CNKSR3: variants seen among roughly 807,000 people sequenced by gnomAD.
CNKSR3 encodes the protein CNKSR family member 3.
A neutral mutation model predicts 67.7 loss-of-function variants in CNKSR3; 36 were observed. The ratio of observed to expected loss-of-function variants is 0.53; its 90% CI spans 0.41 to 0.70. The LOEUF is 0.70. Ranked by LOEUF, CNKSR3 falls within the 30% of genes least tolerant of loss-of-function variation. The probability of loss-of-function intolerance (pLI) is 0.00; values close to 1 mark genes in which losing one functional copy is unlikely to be tolerated. For synonymous variants in CNKSR3, 281 were observed against 271.4 expected, an observed-to-expected ratio of 1.04 and a Z score of -0.35; for missense variants, 630 against 695.2, an observed-to-expected ratio of 0.91 and a Z score of 1.05.
chr6:154,409,101 G>A (rs1318770691), intron 12 of CNKSR3, among the ~76,000 whole-genome samples: 1 of 152,140 alleles, frequency 6.6e-6, no homozygotes, highest in Non-Finnish European at 1.5e-5. Context: ...AGGTACCCAG[G>A]CATCTTTCCC....
At chr6:154,499,658 C>T (rs1786943984) in intron 1 of CNKSR3, among the ~76,000 whole-genome samples, 2 of 152,104 alleles carry the variant, frequency 1.3e-5, no homozygotes, top group Admixed American at 1.3e-4. Context: ...TTGGTAGACA[C>T]AGGGTCTCAC....
chr6:154,448,413 G>A (rs1203870859), intron 2 of CNKSR3, among the ~76,000 whole-genome samples: 1 of 120,124 alleles, frequency 8.3e-6, no homozygotes, highest in African/African-American at 3.2e-5. Context: ...TATAATAAAA[G>A]TAAACTCAAA....
intron 5 of CNKSR3, among the ~76,000 whole-genome samples, chr6:154,432,602 C>T (rs1027123734): frequency 1.3e-5 from 2 of 152,160 alleles, no homozygotes; most frequent in African/African-American, 4.8e-5. Flanking sequence ...AACACAGTCA[C>T]CCAAATTTTC....
At chr6:154,450,308 C>A (rs1377023934) in intron 1 of CNKSR3, 50 bp from the exon 2 acceptor site, 88 of 1,582,886 alleles carry the variant, frequency 5.6e-5, no homozygotes, top group Non-Finnish European at 7.4e-5. Context: ...TTCCTTTACC[C>A]ACCCCCTGCA....
At position 154,430,529 on chromosome 6, in the gene CNKSR3, G is replaced by C. The variant is rs751665833; in HGVS notation, c.612C>G (p.Ser204Arg). ...TIRSTTDPVMSQCACLEEVHL... is the reference protein window; with the variant it reads ...TIRSTTDPVMRQCACLEEVHL... ...GAACTTCCTCCAGACATGCACACTGGCTCATCACAGGATCTGTGGTAGATC... is the reference window on the plus strand; with the variant it reads ...GAACTTCCTCCAGACATGCACACTGCCTCATCACAGGATCTGTGGTAGATC... The change falls in exon 6 of 13, where the codon AGC (serine) becomes AGG (arginine). Residue 204 changes from serine to arginine, a missense_variant. Ser to Arg is a moderately radical substitution (Grantham distance 110). Transcript: ENST00000607772. 1 of 1,612,284 alleles carries C rather than the reference G, an allele frequency of 6.2e-7. No individual in the cohort carries two copies. The highest frequency in any genetic ancestry group is 8.5e-7 in the Non-Finnish European group (1 of 1,178,994).
chr6:154,418,721 A>C (rs978510068), intron 9 of CNKSR3, among the ~76,000 whole-genome samples: 1 of 152,246 alleles, frequency 6.6e-6, no homozygotes, highest in Non-Finnish European at 1.5e-5. Flanking sequence ...CAACAGAAAC[A>C]GCTGGAGTAT....
Position 154,430,598 on chromosome 6 carries a change from T to A in CNKSR3, c.550-7A>T, listed in dbSNP as rs762889470. ...TGCCATTTAAAACCTTGACCTAGAA[T>A]TGGAGAAGCAAATAGTCAGGAAAGT... On this transcript the variant is annotated splice_polypyrimidine_tract_variant and splice_region_variant and intron_variant, in intron 5 of 12. Coordinates refer to ENST00000607772, the MANE Select transcript of CNKSR3 (RefSeq NM_173515.4). 40 of 1,603,248 alleles carry A rather than the reference T, an allele frequency of 2.5e-5. 1 individual carries two copies. In the South Asian group the frequency reaches 3.7e-4, roughly 15 times the overall value.
chr6:154,496,781 T>C lies in CNKSR3; in HGVS notation c.52+13282A>G, dbSNP rs560682444. ...TCTCTAGAATTTTGAGTGGTAAGAT[T>C]ACAGGTTAAAATTAAGTAGATCAAT... On this transcript the variant is annotated intron_variant, in intron 1 of 12. Coordinates refer to ENST00000607772, the MANE Select transcript of CNKSR3 (RefSeq NM_173515.4). 2.0e-5 allele frequency among the ~76,000 whole-genome samples: 3 copies of C among 152,300 alleles called. No homozygotes were observed. In the East Asian group the frequency reaches 5.8e-4, roughly 29 times the overall value.
intron 4 of CNKSR3, among the ~76,000 whole-genome samples, chr6:154,435,467 T>C (rs1182275470): frequency 6.6e-6 from 1 of 152,092 alleles, no homozygotes; most frequent in Non-Finnish European, 1.5e-5. Flanking sequence ...ATCGGTTCCC[T>C]GCAGTGGTGA....
At position 154,422,799 on chromosome 6, in the gene CNKSR3, C is replaced by G. The variant is rs1055430578; in HGVS notation, c.798+116G>C. On this transcript the variant is annotated intron_variant, in intron 8 of 12. Transcript: ENST00000607772. The stretch of plus-strand genomic sequence containing the variant: ...CGTAAGTATGCTCATGTTAGCACAA[C>G]CTAAAATAATGAAAAATAGGATATA... The G allele has an allele frequency of 1.2e-5, 14 of 1,161,284 alleles. No homozygotes were observed. The African/African-American group carries it at 1.9e-4, about 15-fold the overall frequency. The allele number at this position is 1,161,284 out of a possible 1,614,324, so 71.9% of individuals were successfully genotyped here.
At chr6:154,495,154 G>A (rs1786852079) in intron 1 of CNKSR3, among the ~76,000 whole-genome samples, 1 of 152,238 alleles carries the variant, frequency 6.6e-6, no homozygotes, top group Non-Finnish European at 1.5e-5. Context: ...CATGATATTT[G>A]CACCTCATTA....
chr6:154,458,555 C>T (rs1786006450), intron 1 of CNKSR3, among the ~76,000 whole-genome samples: 1 of 152,084 alleles, frequency 6.6e-6, no homozygotes, highest in South Asian at 2.1e-4. Context: ...ATGATAGAAA[C>T]ATTCCTATCA....
chr6:154,484,569 G>A (rs768848660), intron 1 of CNKSR3, among the ~76,000 whole-genome samples: 2 of 151,938 alleles, frequency 1.3e-5, no homozygotes, highest in South Asian at 2.1e-4. Flanking sequence ...GGGCATGGTG[G>A]TGCATGCCTG....
At position 154,505,593 on chromosome 6, in the gene CNKSR3, G is replaced by T. The variant is rs1289739591; in HGVS notation, c.52+4470C>A. Among the ~76,000 whole-genome samples, 5 of 150,736 alleles carry T rather than the reference G, an allele frequency of 3.3e-5. 1 individual carries two copies. Among genetic ancestry groups the T allele is most frequent in the Non-Finnish European group, 1.5e-5 (1 of 67,856 alleles). On this transcript the variant is annotated intron_variant, in intron 1 of 12. Coordinates refer to ENST00000607772, the MANE Select transcript of CNKSR3 (RefSeq NM_173515.4). ...GCTCACTGCAGCCTCCGCCTCCCGGGTTCATGCCATTCTCCTGCCTCAGCC... is the reference window on the plus strand; with the variant it reads ...GCTCACTGCAGCCTCCGCCTCCCGGTTTCATGCCATTCTCCTGCCTCAGCC...
At chr6:154,485,465 G>T (rs1023322461) in intron 1 of CNKSR3, among the ~76,000 whole-genome samples, 2 of 152,122 alleles carry the variant, frequency 1.3e-5, no homozygotes, top group African/African-American at 2.4e-5. Flanking sequence ...TTTTTCCCCT[G>T]GCTCAAAGAT....
intron 2 of CNKSR3, among the ~76,000 whole-genome samples, chr6:154,447,056 G>C (rs547803204): frequency 2.6e-5 from 4 of 151,986 alleles, no homozygotes; most frequent in Non-Finnish European, 5.9e-5. Flanking sequence ...CGCCTGCCTC[G>C]GCCTCCCAAA....
intron 9 of CNKSR3, among the ~76,000 whole-genome samples, chr6:154,419,447 G>A (rs1785093263): frequency 6.6e-6 from 1 of 152,178 alleles, no homozygotes; most frequent in Non-Finnish European, 1.5e-5. Flanking sequence ...CAAAGCCACA[G>A]TAAGATGACA....
intron 1 of CNKSR3, among the ~76,000 whole-genome samples, chr6:154,482,452 G>C (rs1385825209): frequency 1.3e-5 from 2 of 152,118 alleles, no homozygotes; most frequent in African/African-American, 4.8e-5. Context: ...TAGATTTTTA[G>C]ATTATTTTTT....
At chr6:154,428,278 A>C (rs1248043241) in intron 6 of CNKSR3, 91 bp from the exon 7 acceptor site, 1 of 809,828 alleles carries the variant, frequency 1.2e-6, no homozygotes, top group Non-Finnish European at 2.2e-6. Flanking sequence ...CATTAACAAC[A>C]GTCCCTTCAG....
Sources: allele counts gnomAD v4.1 joint callset (sites outside exome capture counted in the v4.1 genomes callset), GRCh38; gene constraint gnomAD v4.1.1; transcripts MANE v1.5; gene names NCBI Gene and HGNC (gene_info 2026-07-23, HGNC 2026-07-21).